Variants in DOCK4 observed in about 807,000 individuals in gnomAD.
DOCK4 encodes dedicator of cytokinesis protein 4.
A neutral mutation model predicts 268.1 loss-of-function variants in DOCK4; 97 were observed. That is an observed-to-expected ratio of 0.36 (90% CI 0.31 to 0.43). The LOEUF is 0.43. Among genes scored for constraint, DOCK4 ranks in the 20% least tolerant of loss-of-function variants. The pLI, the probability that DOCK4 is intolerant of heterozygous loss-of-function variation, is 1.00. For missense variants in DOCK4, 2,145 were observed against 2,455.7 expected (o/e 0.87, Z 2.67); for synonymous variants, 954 against 887.2 (o/e 1.08, Z -1.34).
rs141202699 is a variant in DOCK4, at chr7:111,945,393, C to T, written c.783+324G>A. Among the ~76,000 whole-genome samples, 692 of 152,240 alleles carry T rather than the reference C, an allele frequency of 4.5e-3. 5 individuals carry two copies. Among genetic ancestry groups the T allele is most frequent in the African/African-American group, 0.016 (664 of 41,546 alleles). ...TAGAGACGGGGTTTCACCATGTTGG[C>T]CAGGCTGGTCTTGAATTCCTGACCT... On this transcript the variant is annotated intron_variant, in intron 9 of 52. Coordinates refer to ENST00000428084, the MANE Select transcript of DOCK4 (RefSeq NM_001363540.2).
At chr7:111,996,625 C>A (rs568209402) in intron 4 of DOCK4, among the ~76,000 whole-genome samples, 1 of 152,248 alleles carries the variant, frequency 6.6e-6, no homozygotes, top group Admixed American at 6.5e-5. Flanking sequence ...TTTACAGAAA[C>A]TAATGTTGGG....
chr7:111,892,595 T>C (rs1808383048), intron 16 of DOCK4, among the ~76,000 whole-genome samples: 1 of 152,254 alleles, frequency 6.6e-6, no homozygotes. Flanking sequence ...ATACCCATTT[T>C]ATTTATCTCA....
intron 1 of DOCK4, among the ~76,000 whole-genome samples, chr7:112,132,501 C>G (rs968361251): frequency 6.6e-6 from 1 of 151,982 alleles, no homozygotes; most frequent in Non-Finnish European, 1.5e-5. Context: ...GAGATGATAT[C>G]TAGAAACAAC....
intron 8 of DOCK4, among the ~76,000 whole-genome samples, chr7:111,963,257 G>T (rs950634592): frequency 1.3e-5 from 2 of 151,072 alleles, no homozygotes; most frequent in African/African-American, 4.9e-5. Context: ...CGTGAGCGAC[G>T]CAGAAGACAG....
At chr7:112,050,773 A>AT (rs944729767) in intron 1 of DOCK4, among the ~76,000 whole-genome samples, 3 of 152,120 alleles carry the variant, frequency 2.0e-5, no homozygotes, top group African/African-American at 7.2e-5. Flanking sequence ...TTCAATCCCG[A>AT]TTTTTTTACT....
intron 40 of DOCK4, among the ~76,000 whole-genome samples, chr7:111,759,622 C>G (rs1351527881): frequency 6.6e-6 from 1 of 152,082 alleles, no homozygotes; most frequent in Non-Finnish European, 1.5e-5. Context: ...GCCTTTGTCT[C>G]TAACACCTAT....
chr7:112,193,091 A>C (rs1178032500), intron 1 of DOCK4, among the ~76,000 whole-genome samples: 1 of 152,190 alleles, frequency 6.6e-6, no homozygotes, highest in Non-Finnish European at 1.5e-5. Context: ...CTTTTTAAAA[A>C]TGCTAACCTA....
At chr7:112,004,551 T>C (rs1480905062) in intron 1 of DOCK4, among the ~76,000 whole-genome samples, 1 of 152,202 alleles carries the variant, frequency 6.6e-6, no homozygotes, top group East Asian at 1.9e-4. Context: ...TGCTTGTTAT[T>C]AGGCTTGGTT....
rs1794685698 is a variant in DOCK4 at position 111,935,681 on chromosome 7, G to T, written c.978-53C>A. ...CTTTAATGATGCATGCAGTCAAGCAGTGATCCTCATAGTACATCTGCCCTT... is the reference window on the plus strand; with the variant it reads ...CTTTAATGATGCATGCAGTCAAGCATTGATCCTCATAGTACATCTGCCCTT... On this transcript the variant is annotated intron_variant, in intron 11 of 52. Transcript: ENST00000428084. 2.7e-6 allele frequency: 4 copies of T among 1,476,960 alleles called. No homozygotes were observed. In the South Asian group the frequency reaches 4.6e-5, roughly 17 times the overall value. 91.5% of individuals were successfully genotyped at this position (1,476,960 alleles called of 1,614,324 possible).
At chr7:111,758,917 T>A in intron 40 of DOCK4, 127 bp from the exon 41 acceptor site, 2 of 859,300 alleles carry the variant, frequency 2.3e-6, no homozygotes, top group Non-Finnish European at 1.7e-6. Flanking sequence ...TTGAAGTCAT[T>A]AAAAAAATTA....
intron 8 of DOCK4, among the ~76,000 whole-genome samples, chr7:111,969,336 T>C (rs1394832063): frequency 1.3e-5 from 2 of 151,432 alleles, no homozygotes; most frequent in African/African-American, 4.9e-5. Context: ...ACATTTTCTG[T>C]TGTGGCTTCT....
Position 111,829,669 on chromosome 7 carries a change from G to T in DOCK4, c.2835+4919C>A, listed in dbSNP as rs545598235. Reference sequence around the variant, plus strand: ...TGATATCTGTAAGAAAATAATGGGGGCCTACTTCATGGGATCCTTTTAAGG... The same window carrying T: ...TGATATCTGTAAGAAAATAATGGGGTCCTACTTCATGGGATCCTTTTAAGG... On this transcript the variant is annotated intron_variant, in intron 26 of 52. Transcript: ENST00000428084. 2.7e-3 allele frequency among the ~76,000 whole-genome samples: 406 copies of T among 152,244 alleles called. 2 individuals are homozygous for T. The highest frequency in any genetic ancestry group is 9.6e-3 in the African/African-American group (398 of 41,554).
chr7:112,132,775 ACT>A (rs1267109084), intron 1 of DOCK4, among the ~76,000 whole-genome samples: 1 of 151,986 alleles, frequency 6.6e-6, no homozygotes, highest in Non-Finnish European at 1.5e-5. Context: ...TGGGCAGAAT[ACT>A]CTCTGGCCTT....
rs1454832356 is a variant in DOCK4, at chr7:111,983,856, G to GCACACACACACACACA, written c.549+449_549+450insTGTGTGTGTGTGTGTG. Among the ~76,000 whole-genome samples the GCACACACACACACACA allele has an allele frequency of 1.8e-4, 17 of 92,096 alleles. No individual in the cohort carries two copies. The South Asian group carries it at 5.7e-3, about 31-fold the overall frequency. 60.4% of individuals were successfully genotyped at this position (92,096 alleles called of 152,430 possible). ...TATGTACACACACACGCGCGCGCGC[G>GCACACACACACACACA]CGCGCGCACACACACACACACACAC... On this transcript the variant is annotated intron_variant, in intron 7 of 52. Transcript: ENST00000428084.
intron 1 of DOCK4, among the ~76,000 whole-genome samples, chr7:112,095,049 C>G (rs1327265173): frequency 6.6e-6 from 1 of 152,160 alleles, no homozygotes; most frequent in Non-Finnish European, 1.5e-5. Flanking sequence ...AATGTAAGAA[C>G]AGCCTAATAC....
intron 1 of DOCK4, among the ~76,000 whole-genome samples, chr7:112,204,605 T>C (rs968469900): frequency 6.6e-6 from 1 of 152,042 alleles, no homozygotes; most frequent in African/African-American, 2.4e-5. Context: ...TTCCCAAAGG[T>C]GGGTTCAGGT....
chr7:112,154,840 C>T (rs1340215131), intron 1 of DOCK4, among the ~76,000 whole-genome samples: 4 of 152,188 alleles, frequency 2.6e-5, no homozygotes, highest in Non-Finnish European at 4.4e-5. Flanking sequence ...AGCCAGGCTA[C>T]GGGCATGCAA....
At chr7:112,161,489 AC>A (rs1380242172) in intron 1 of DOCK4, among the ~76,000 whole-genome samples, 1 of 152,220 alleles carries the variant, frequency 6.6e-6, no homozygotes, top group Non-Finnish European at 1.5e-5. Flanking sequence ...AGAAAGGGTA[AC>A]CAGAGAATTT....
intron 1 of DOCK4, among the ~76,000 whole-genome samples, chr7:112,087,236 T>C (rs1282248465): frequency 2.0e-5 from 3 of 152,150 alleles, no homozygotes; most frequent in African/African-American, 7.2e-5. Flanking sequence ...AACTGTACAC[T>C]TTCTTGACAA....
Sources: gnomAD v4.1 joint callset for allele counts (sites outside exome capture counted in the v4.1 genomes callset) on GRCh38, gnomAD v4.1.1 for gene constraint, MANE v1.5 for transcripts, NCBI Gene and HGNC (gene_info 2026-07-23, HGNC 2026-07-21) for gene names.